RAB38: variants seen among roughly 807,000 people sequenced by gnomAD.
RAB38 encodes the protein RAB38, member RAS oncogene family.
A neutral mutation model predicts 18.4 loss-of-function variants in RAB38; 15 were observed. That is an observed-to-expected ratio of 0.82 (90% CI 0.55 to 1.26). RAB38 has a LOEUF of 1.26. Among genes scored for constraint, RAB38 ranks in the 50% most tolerant of loss-of-function variants. RAB38 has a pLI of 0.00. For synonymous variants in RAB38, 101 were observed against 104.4 expected (o/e 0.97, Z 0.20); for missense variants, 294 against 267.4 (o/e 1.10, Z -0.69).
the RAB38 span, among the ~76,000 whole-genome samples, chr11:87,975,073 G>T: frequency 2.6e-5 from 4 of 151,776 alleles, no homozygotes; most frequent in Non-Finnish European, 5.9e-5. Flanking sequence ...GCATTCCTTA[G>T]CTTATAGACA....
At chr11:88,032,642 G>T in the RAB38 span, among the ~76,000 whole-genome samples, 1 of 152,156 alleles carries the variant, frequency 6.6e-6, no homozygotes, top group Admixed American at 6.5e-5. Context: ...GCCATCACTG[G>T]CCATCAGAGA....
the RAB38 span, among the ~76,000 whole-genome samples, chr11:88,015,761 A>C: frequency 6.6e-6 from 1 of 152,138 alleles, no homozygotes; most frequent in Non-Finnish European, 1.5e-5. Flanking sequence ...GGCTCGGTTA[A>C]AAAAATGTCT....
the RAB38 span, among the ~76,000 whole-genome samples, chr11:88,004,075 G>C: frequency 7.0e-6 from 1 of 142,324 alleles, no homozygotes; most frequent in Non-Finnish European, 1.5e-5. Context: ...TCTCAGAAAA[G>C]AAAGAAAATC....
At chr11:87,952,210 C>T in the RAB38 span, among the ~76,000 whole-genome samples, 12 of 152,068 alleles carry the variant, frequency 7.9e-5, no homozygotes, top group African/African-American at 2.7e-4. Flanking sequence ...TATTTCTTTC[C>T]CTGTGTTACC....
chr11:87,875,181 A>G, the RAB38 span, among the ~76,000 whole-genome samples: 1 of 151,498 alleles, frequency 6.6e-6, no homozygotes, highest in African/African-American at 2.4e-5. Flanking sequence ...GTCTTAGAAT[A>G]AAAAATGATA....
the RAB38 span, among the ~76,000 whole-genome samples, chr11:87,900,582 C>G: frequency 2.0e-5 from 3 of 151,654 alleles, no homozygotes; most frequent in South Asian, 4.2e-4. Context: ...GACACACCAA[C>G]TGGAACTCAA....
intron 2 of RAB38, among the ~76,000 whole-genome samples, chr11:88,128,423 G>A (rs904528020): frequency 5.9e-5 from 9 of 152,194 alleles, no homozygotes; most frequent in Non-Finnish European, 8.8e-5. Context: ...TCTACAGCAA[G>A]TGAACTCTGT....
chr11:87,928,301 A>G, the RAB38 span, among the ~76,000 whole-genome samples: 3 of 152,066 alleles, frequency 2.0e-5, no homozygotes, highest in Non-Finnish European at 4.4e-5. Flanking sequence ...AGTTTATTCT[A>G]AGATGAGTTA....
the RAB38 span, among the ~76,000 whole-genome samples, chr11:88,070,876 G>T: frequency 6.6e-6 from 1 of 152,186 alleles, no homozygotes; most frequent in African/African-American, 2.4e-5. Flanking sequence ...CAAGGAGAAA[G>T]AGGACACATG....
the RAB38 span, among the ~76,000 whole-genome samples, chr11:87,964,559 T>C: frequency 2.0e-5 from 3 of 152,058 alleles, no homozygotes; most frequent in Non-Finnish European, 4.4e-5. Context: ...AAAACGACAT[T>C]GTAAATAGGT....
the RAB38 span, chr11:87,817,045 T>C: frequency 2.0e-5 from 3 of 152,184 alleles, no homozygotes; most frequent in East Asian, 3.8e-4. Flanking sequence ...GCAATATTAA[T>C]AGACCTTAAA....
At chr11:88,155,164 T>G (rs976973958) in intron 1 of RAB38, among the ~76,000 whole-genome samples, 3 of 152,226 alleles carry the variant, frequency 2.0e-5, no homozygotes, top group African/African-American at 7.2e-5. Context: ...GCACCTGCCA[T>G]TAGGGCACCT....
the RAB38 span, among the ~76,000 whole-genome samples, chr11:87,976,381 ATATT>A: frequency 1.0e-4 from 14 of 140,148 alleles, no homozygotes; most frequent in Admixed American, 4.5e-4. Flanking sequence ...ACAAATACAA[ATATT>A]TATATATACA....
chr11:87,823,464 A>AT, the RAB38 span, among the ~76,000 whole-genome samples: 1 of 152,090 alleles, frequency 6.6e-6, no homozygotes, highest in Non-Finnish European at 1.5e-5. Context: ...GCTAAAACAC[A>AT]TTTTTAAAAG....
At chr11:88,005,316 C>G in the RAB38 span, among the ~76,000 whole-genome samples, 1 of 151,076 alleles carries the variant, frequency 6.6e-6, no homozygotes, top group Non-Finnish European at 1.5e-5. Context: ...AGAATAGACT[C>G]CAGAAATAAA....
At chr11:88,040,409 A>AC in the RAB38 span, among the ~76,000 whole-genome samples, 1 of 151,810 alleles carries the variant, frequency 6.6e-6, no homozygotes, top group Non-Finnish European at 1.5e-5. Context: ...TACCTTAATT[A>AC]CCCCCTTTAA....
chr11:88,092,372 GA>G, the RAB38 span, among the ~76,000 whole-genome samples: 1,767 of 23,898 alleles, frequency 0.074, 583 homozygotes, highest in Non-Finnish European at 0.17. Context: ...GAGAGAGAGA[GA>G]GAGAGAGAGA....
At chr11:88,074,072 C>A in the RAB38 span, among the ~76,000 whole-genome samples, 1 of 150,646 alleles carries the variant, frequency 6.6e-6, no homozygotes, top group Non-Finnish European at 1.5e-5. Flanking sequence ...CTAAGAATTA[C>A]TGGTGTTTAA....
the RAB38 span, among the ~76,000 whole-genome samples, chr11:87,918,905 T>C: frequency 7.0e-6 from 1 of 142,068 alleles, no homozygotes; most frequent in Admixed American, 7.3e-5. Flanking sequence ...TTTGCTTTTG[T>C]TGCTTGTGCT....
Sources: gnomAD v4.1 joint callset for allele counts (sites outside exome capture counted in the v4.1 genomes callset) on GRCh38, gnomAD v4.1.1 for gene constraint, MANE v1.5 for transcripts, NCBI Gene and HGNC (gene_info 2026-07-23, HGNC 2026-07-21) for gene names.